DNM1L: variants seen among roughly 807,000 people sequenced by gnomAD.
The protein encoded by DNM1L is dynamin-1-like protein.
A neutral mutation model predicts 92.8 loss-of-function variants in DNM1L; 33 were observed. The observed-to-expected ratio is 0.36, with a 90% CI of 0.27 to 0.48. The LOEUF (loss-of-function observed/expected upper bound fraction) is 0.48, where lower values mean the gene tolerates loss of function less well. Ranked by LOEUF, DNM1L falls within the 20% of genes least tolerant of loss-of-function variation. The pLI, the probability that DNM1L is intolerant of heterozygous loss-of-function variation, is 0.99. For missense variants in DNM1L, 485 were observed against 888.8 expected (o/e 0.55, Z 5.78); for synonymous variants, 284 against 305.0 (o/e 0.93, Z 0.72).
intron 2 of DNM1L, among the ~76,000 whole-genome samples, chr12:32,706,265 C>T (rs17613295): frequency 0.047 from 7,086 of 152,156 alleles, 218 homozygotes; most frequent in Middle Eastern, 0.11. Context: ...AAAAAGGATC[C>T]GGTTTTATTT....
At chr12:32,717,312 T>C (rs1359972607) in intron 6 of DNM1L, among the ~76,000 whole-genome samples, 2 of 82,264 alleles carry the variant, frequency 2.4e-5, no homozygotes, top group Non-Finnish European at 4.4e-5. Context: ...ATACTATATA[T>C]TATATATACA....
intron 1 of DNM1L, among the ~76,000 whole-genome samples, chr12:32,689,389 G>A (rs10844296): frequency 0.15 from 23,363 of 151,882 alleles, 1,901 homozygotes; most frequent in Middle Eastern, 0.21. Flanking sequence ...TAGAGACAAG[G>A]TTTCTCCATG....
chr12:32,684,476 T>C (rs1218559443), intron 1 of DNM1L, among the ~76,000 whole-genome samples: 2 of 147,252 alleles, frequency 1.4e-5, no homozygotes, highest in Non-Finnish European at 3.0e-5. Flanking sequence ...TCAACATAAT[T>C]CTTTTTTTTT....
At chr12:32,702,216 A>G (rs1295963704) in intron 2 of DNM1L, among the ~76,000 whole-genome samples, 2 of 141,358 alleles carry the variant, frequency 1.4e-5, no homozygotes, top group Admixed American at 1.4e-4. Flanking sequence ...CCTAGGCGAC[A>G]GAGTGAGACT....
Position 32,710,734 on chromosome 12 carries a change from A to G in DNM1L, c.370-195A>G, listed in dbSNP as rs562436562. On this transcript the variant is annotated intron_variant, in intron 4 of 19. Transcript: ENST00000549701. ...ACATATAACATGATACAGGGATAGA[A>G]GTAGGATTATAACCTGTTAATATGG... Among the ~76,000 whole-genome samples, 4 of 152,304 alleles carry G rather than the reference A, an allele frequency of 2.6e-5. No homozygotes were observed. In the South Asian group the frequency reaches 8.3e-4, roughly 32 times the overall value.
Position 32,744,752 on chromosome 12 carries a change from T to G in DNM1L, c.*1342T>G. The G allele has an allele frequency of 2.5e-6, 1 of 404,300 alleles. No individual in the cohort carries two copies. The highest frequency in any genetic ancestry group is 4.8e-6 in the Non-Finnish European group (1 of 209,790). The allele number at this position is 404,300 out of a possible 1,614,324, so 25.0% of individuals were successfully genotyped here. On this transcript the variant is annotated 3_prime_UTR_variant, in exon 20 of 20. Transcript: ENST00000549701. ...AAAACAACACCCAGATAGATACACA[T>G]ACTCCTTCAGACTTACAGACCTAAG...
intron 1 of DNM1L, among the ~76,000 whole-genome samples, chr12:32,700,050 C>G (rs1361333191): frequency 6.8e-6 from 1 of 147,498 alleles, no homozygotes; most frequent in Admixed American, 6.7e-5. Context: ...TTGTTAAAAA[C>G]AGCAAAAACC....
chr12:32,686,937 CTTTTTTTTTTTTTT>C (rs71447614), intron 1 of DNM1L, among the ~76,000 whole-genome samples: 1 of 95,606 alleles, frequency 1.0e-5, no homozygotes, highest in Non-Finnish European at 2.1e-5. Context: ...TCTTTTTTTT[CTTTTTTTTTTTTTT>C]TTTTTGAGAT....
At chr12:32,687,618 G>T (rs1249092470) in intron 1 of DNM1L, among the ~76,000 whole-genome samples, 1 of 151,410 alleles carries the variant, frequency 6.6e-6, no homozygotes, top group Non-Finnish European at 1.5e-5. Context: ...ATTTTTTTTG[G>T]TATTTTTTTT....
chr12:32,712,742 C>T (rs1292665786), intron 5 of DNM1L, among the ~76,000 whole-genome samples: 2 of 150,916 alleles, frequency 1.3e-5, no homozygotes, highest in Admixed American at 6.6e-5. Flanking sequence ...ACAGCCCTTA[C>T]CACCATCTGT....
intron 1 of DNM1L, among the ~76,000 whole-genome samples, chr12:32,696,610 A>C (rs1371894252): frequency 6.6e-6 from 1 of 151,836 alleles, no homozygotes; most frequent in Non-Finnish European, 1.5e-5. Context: ...TAAAAAAAAA[A>C]AAGAAAAATA....
At chr12:32,686,940 T>TTC (rs1555112660) in intron 1 of DNM1L, among the ~76,000 whole-genome samples, 5 of 136,666 alleles carry the variant, frequency 3.7e-5, no homozygotes, top group African/African-American at 9.1e-5. Flanking sequence ...TTTTTTTCTT[T>TTC]TTTTTTTTTT....
At chr12:32,691,702 C>T (rs1360210846) in intron 1 of DNM1L, among the ~76,000 whole-genome samples, 1 of 151,946 alleles carries the variant, frequency 6.6e-6, no homozygotes, top group African/African-American at 2.4e-5. Context: ...ACATATGTTA[C>T]GGAATTTATT....
Position 32,737,909 on chromosome 12 carries a change from C to CGGGG in DNM1L, c.1641_1642insGGGG (p.Ser548GlyfsTer8). 6.2e-7 allele frequency: 1 copy of CGGGG among 1,613,996 alleles called. No homozygotes were observed. Among genetic ancestry groups the CGGGG allele is most frequent in the Non-Finnish European group, 8.5e-7 (1 of 1,179,996 alleles). On this transcript the variant is annotated frameshift_variant, in exon 15 of 20. Coordinates refer to ENST00000549701, the MANE Select transcript of DNM1L (RefSeq NM_012062.5). LOFTEE classifies it high-confidence loss of function. ...CTTTGGCACCTGCCTCCCAGGAGCC[C>CGGGG]TCCCCCGCTGCTTCTGCTGAGGCTG...
chr12:32,726,610 C>G (rs1954165817), intron 9 of DNM1L: 2 of 1,114,788 alleles, frequency 1.8e-6, no homozygotes, highest in South Asian at 2.8e-5. Flanking sequence ...GCTTCAGCAT[C>G]ATCATCCAGA....
chr12:32,739,710 A>C (rs1955150179), intron 16 of DNM1L: 2 of 242,674 alleles, frequency 8.2e-6, no homozygotes, highest in East Asian at 1.7e-4. Context: ...GCTTTTAACG[A>C]GTAGTTTTGT....
At position 32,724,021 on chromosome 12, in the gene DNM1L, CTAA is replaced by C. The variant is rs547854649; in HGVS notation, c.1079+1390_1079+1392del. 1.8e-3 allele frequency among the ~76,000 whole-genome samples: 274 copies of C among 152,278 alleles called. 3 individuals carry two copies. Among genetic ancestry groups the C allele is most frequent in the African/African-American group, 6.4e-3 (267 of 41,552 alleles). On this transcript the variant is annotated intron_variant, in intron 9 of 19. Transcript: ENST00000549701. ...AAGAGCAGGAAATCTAGACCTTCCTCTAATGACAATCCAATAGTCCACCCTCGC... is the reference window on the plus strand; with the variant it reads ...AAGAGCAGGAAATCTAGACCTTCCTCTGACAATCCAATAGTCCACCCTCGC...
At position 32,737,912 on chromosome 12, in the gene DNM1L, C is replaced by A; in HGVS notation, c.1644C>A (p.Ser548=). 1 of 1,613,984 alleles carries A rather than the reference C, an allele frequency of 6.2e-7. No homozygotes were observed. Among genetic ancestry groups the A allele is most frequent in the East Asian group, 2.2e-5 (1 of 44,860 alleles). The change falls in exon 15 of 20, where the codon TCC becomes TCA. Residue 548 remains serine, a synonymous_variant. Coordinates refer to ENST00000549701, the MANE Select transcript of DNM1L (RefSeq NM_012062.5). ...SALAPASQEP[S]PAASAEADGK... ...TGGCACCTGCCTCCCAGGAGCCCTC[C>A]CCCGCTGCTTCTGCTGAGGCTGATG...
intron 1 of DNM1L, among the ~76,000 whole-genome samples, chr12:32,693,830 G>T (rs1952324427): frequency 1.3e-5 from 2 of 152,008 alleles, no homozygotes; most frequent in South Asian, 4.1e-4. Flanking sequence ...TAAAGATGAG[G>T]TTTCACCATG....
Sources: gnomAD v4.1 joint callset for allele counts (sites outside exome capture counted in the v4.1 genomes callset) on GRCh38, gnomAD v4.1.1 for gene constraint, MANE v1.5 for transcripts, NCBI Gene and HGNC (gene_info 2026-07-23, HGNC 2026-07-21) for gene names.